CABIN1: variants seen among roughly 807,000 people sequenced by gnomAD.
CABIN1 encodes calcineurin binding protein 1, also known as calcineurin-binding protein cabin-1.
Under a neutral mutation model 227.7 loss-of-function variants are expected in CABIN1, and 133 were observed. That is an observed-to-expected ratio of 0.58 (90% CI 0.51 to 0.67). The LOEUF (loss-of-function observed/expected upper bound fraction) is 0.67, where lower values mean the gene tolerates loss of function less well. Ranked by LOEUF, CABIN1 falls within the 30% of genes least tolerant of loss-of-function variation. CABIN1 has a pLI of 0.00. For missense variants in CABIN1, 2,408 were observed against 2,852.5 expected, an observed-to-expected ratio of 0.84 and a Z score of 3.55; for synonymous variants, 1,086 against 1,155.1, an observed-to-expected ratio of 0.94 and a Z score of 1.21.
chr22:24,049,861 C>T (rs2038189438), intron 7 of CABIN1, among the ~76,000 whole-genome samples: 1 of 152,132 alleles, frequency 6.6e-6, no homozygotes, highest in Non-Finnish European at 1.5e-5. Context: ...CCCGCCATTG[C>T]CCCTCCTTTG....
chr22:24,152,178 C>T (rs757589371), intron 29 of CABIN1, among the ~76,000 whole-genome samples: 1 of 152,216 alleles, frequency 6.6e-6, no homozygotes, highest in Admixed American at 6.5e-5. Flanking sequence ...ATCCTTGAGT[C>T]GATCCCTGCT....
rs749835011 is a variant in CABIN1 at position 24,084,805 on chromosome 22, G to A, written c.3117+20G>A. ...ACTGAGGTGGGCCCACAACCTTGAG[G>A]ACGTGGGGGACAGGGCTGGGTCACA... is the stretch of plus-strand genomic sequence containing the variant. On this transcript the variant is annotated intron_variant, in intron 21 of 36. Coordinates refer to ENST00000263119, the MANE Select transcript of CABIN1 (RefSeq NM_012295.4). 29 of 1,611,590 alleles carry A rather than the reference G, an allele frequency of 1.8e-5. No homozygotes were observed. The highest frequency in any genetic ancestry group is 2.5e-5 in the Non-Finnish European group (29 of 1,177,854).
chr22:24,042,238 C>G (rs1432213166), intron 5 of CABIN1, among the ~76,000 whole-genome samples: 1 of 152,212 alleles, frequency 6.6e-6, no homozygotes, highest in African/African-American at 2.4e-5. Context: ...CAGGTGTGAA[C>G]CACCAGGCCT....
chr22:24,049,838 C>T (rs1045285169), intron 7 of CABIN1, among the ~76,000 whole-genome samples: 4 of 152,164 alleles, frequency 2.6e-5, no homozygotes, highest in African/African-American at 4.8e-5. Context: ...CATCTTCCCA[C>T]CTCTCCACCT....
intron 26 of CABIN1, chr22:24,102,532 A>C (rs1403829399): frequency 6.6e-6 from 1 of 152,220 alleles, no homozygotes; most frequent in Admixed American, 6.5e-5. Flanking sequence ...GGTTGGTGCA[A>C]ATCAGTCAGT....
At chr22:24,071,966 C>T (rs567281189) in intron 17 of CABIN1, among the ~76,000 whole-genome samples, 2 of 152,324 alleles carry the variant, frequency 1.3e-5, no homozygotes, top group Non-Finnish European at 2.9e-5. Context: ...TGCCCCACCC[C>T]TCCTCTGTGA....
At chr22:24,037,338 T>C (rs2036991309) in intron 3 of CABIN1, among the ~76,000 whole-genome samples, 1 of 151,778 alleles carries the variant, frequency 6.6e-6, no homozygotes, top group African/African-American at 2.4e-5. Flanking sequence ...GGTCTCACTC[T>C]GTTACCCAGG....
At chr22:24,026,902 A>G (rs369350944) in intron 1 of CABIN1, among the ~76,000 whole-genome samples, 73 of 152,302 alleles carry the variant, frequency 4.8e-4, no homozygotes, top group African/African-American at 1.6e-3. Flanking sequence ...CTGTCAGCTT[A>G]TCTATAATTA....
At chr22:24,112,799 C>T (rs1475642723) in intron 26 of CABIN1, among the ~76,000 whole-genome samples, 1 of 152,166 alleles carries the variant, frequency 6.6e-6, no homozygotes, top group Non-Finnish European at 1.5e-5. Context: ...AGTGGGTCTT[C>T]ACCTGTACCC....
intron 18 of CABIN1, 149 bp from the exon 19 acceptor site, chr22:24,076,020 C>CA (rs71226739): frequency 0.052 from 27,244 of 528,004 alleles, 424 homozygotes; most frequent in African/African-American, 0.18. Context: ...TTTAAAAAGG[C>CA]AAAAAAAAAA....
intron 12 of CABIN1, 75 bp from the exon 13 acceptor site, chr22:24,061,872 C>T: frequency 9.5e-7 from 1 of 1,052,678 alleles, no homozygotes; most frequent in Non-Finnish European, 1.5e-6. Context: ...TTGTTTCCTT[C>T]CACAGCCCCC....
intron 34 of CABIN1, chr22:24,175,746 A>C (rs2047066440): frequency 2.6e-6 from 1 of 381,568 alleles, no homozygotes; most frequent in Admixed American, 3.9e-5. Flanking sequence ...AATGCTGCTT[A>C]TGTGAGCTGG....
At chr22:24,058,018 A>T (rs1015389253) in intron 10 of CABIN1, among the ~76,000 whole-genome samples, 5 of 152,052 alleles carry the variant, frequency 3.3e-5, no homozygotes, top group Non-Finnish European at 7.4e-5. Context: ...TTTGTGGTTT[A>T]GTGTCTGCTC....
intron 29 of CABIN1, among the ~76,000 whole-genome samples, chr22:24,135,412 A>G (rs1259682863): frequency 1.3e-5 from 2 of 152,142 alleles, no homozygotes; most frequent in Admixed American, 6.5e-5. Flanking sequence ...AGTGTGACCA[A>G]TATTGGGCTT....
intron 29 of CABIN1, chr22:24,155,796 C>T (rs1055760390): frequency 2.9e-5 from 12 of 409,364 alleles, no homozygotes; most frequent in Non-Finnish European, 4.8e-5. Context: ...CTACACCATG[C>T]TCTCTGGGGC....
At chr22:24,079,895 T>C (rs1474435375) in intron 19 of CABIN1, among the ~76,000 whole-genome samples, 3 of 152,188 alleles carry the variant, frequency 2.0e-5, no homozygotes, top group Non-Finnish European at 4.4e-5. Context: ...CACCTTTATG[T>C]GGGATATCTT....
chr22:24,133,425 G>A lies in CABIN1; in HGVS notation c.4633-877G>A, dbSNP rs190588558. On this transcript the variant is annotated intron_variant, in intron 28 of 36. Coordinates refer to ENST00000263119, the MANE Select transcript of CABIN1 (RefSeq NM_012295.4). The stretch of plus-strand genomic sequence containing the variant: ...CAGGCCAAGAAGTGAGAGGGCTTTC[G>A]GAGCAGCTGGAGTGCAAGGTGATGA... Among the ~76,000 whole-genome samples the A allele has an allele frequency of 4.6e-5, 7 of 152,332 alleles. No homozygotes were observed. In the East Asian group the frequency reaches 1.2e-3, roughly 25 times the overall value.
At chr22:24,091,925 T>G (rs1338533939) in intron 24 of CABIN1, 82 bp downstream of exon 24, 13 of 1,558,200 alleles carry the variant, frequency 8.3e-6, no homozygotes, top group Non-Finnish European at 1.1e-5. Flanking sequence ...TGGCTCAAGG[T>G]TCCAGTGACC....
chr22:24,156,103 G>A (rs1041780092), intron 29 of CABIN1: 86 of 410,332 alleles, frequency 2.1e-4, no homozygotes, highest in African/African-American at 1.5e-3. Flanking sequence ...GGCGGGGGCC[G>A]GGACTGGGGC....
Sources: allele counts gnomAD v4.1 joint callset (sites outside exome capture counted in the v4.1 genomes callset), GRCh38; gene constraint gnomAD v4.1.1; transcripts MANE v1.5; gene names NCBI Gene and HGNC (gene_info 2026-07-23, HGNC 2026-07-21).